The following TRPC5 variants were observed in gnomAD, a reference collection of about 807,000 sequenced individuals.
TRPC5 encodes transient receptor potential cation channel subfamily C member 5.
In TRPC5, 9 loss-of-function variants were observed where a neutral mutation model predicts 56.5. The observed-to-expected ratio is 0.16, with a 90% CI of 0.10 to 0.28. The LOEUF is 0.28. TRPC5 is among the 10% of genes least tolerant of loss of function. TRPC5 has a pLI of 1.00. For synonymous variants in TRPC5, 282 were observed against 278.5 expected, an observed-to-expected ratio of 1.01 and a Z score of -0.13; for missense variants, 469 against 748.9, an observed-to-expected ratio of 0.63 and a Z score of 4.36.
At chrX:111,875,525 G>A (rs192846671) in intron 3 of TRPC5, among the ~76,000 whole-genome samples, 43 of 107,439 alleles carry the variant, frequency 4.0e-4, no homozygotes, top group Middle Eastern at 4.8e-3. Context: ...TATGTGTAGG[G>A]CCCAGGAAGA....
Position 111,771,743 on chromosome X carries a change from TCTTCCA to T in TRPC5, c.*4564_*4569del, listed in dbSNP as rs1170574235. Among the ~76,000 whole-genome samples, 7 of 109,440 alleles carry T rather than the reference TCTTCCA, an allele frequency of 6.4e-5. No individual in the cohort carries two copies. Among genetic ancestry groups the T allele is most frequent in the African/African-American group, 2.4e-4 (7 of 29,442 alleles). On this transcript the variant is annotated 3_prime_UTR_variant, in exon 11 of 11. Coordinates refer to ENST00000262839, the MANE Select transcript of TRPC5 (RefSeq NM_012471.3). Reference sequence around the variant, plus strand: ...TTTGCCAAAAATGTGTATATTTAAGTCTTCCAGGTAAGTTATTCTGACCTAAATGCT... The same window carrying T: ...TTTGCCAAAAATGTGTATATTTAAGTGGTAAGTTATTCTGACCTAAATGCT...
chrX:112,001,697 G>T (rs1275384468), intron 1 of TRPC5, among the ~76,000 whole-genome samples: 2 of 111,703 alleles, frequency 1.8e-5, no homozygotes, highest in East Asian at 2.8e-4. Context: ...GGAGTCGGAG[G>T]TTGCAGTGAG....
At chrX:111,801,424 T>C (rs1205359864) in intron 7 of TRPC5, among the ~76,000 whole-genome samples, 2 of 111,978 alleles carry the variant, frequency 1.8e-5, no homozygotes, top group Non-Finnish European at 3.8e-5. Flanking sequence ...ATGAATGAAA[T>C]TGCTGGGTCA....
intron 1 of TRPC5, among the ~76,000 whole-genome samples, chrX:112,009,198 T>C (rs1928925801): frequency 8.9e-6 from 1 of 111,831 alleles, no homozygotes; most frequent in Non-Finnish European, 1.9e-5. Flanking sequence ...AGAACCTAGC[T>C]GCCATGTGTC....
chrX:111,854,271 C>T (rs185149441), intron 3 of TRPC5, among the ~76,000 whole-genome samples, 165 bp from the exon 4 acceptor site: 42 of 111,858 alleles, frequency 3.8e-4, no homozygotes, highest in African/African-American at 1.0e-3. Context: ...ACCCCGGAGA[C>T]GGCTCTTCAT....
chrX:112,068,399 G>A (rs1365016834), intron 1 of TRPC5, among the ~76,000 whole-genome samples: 2 of 112,554 alleles, frequency 1.8e-5, no homozygotes, highest in African/African-American at 6.5e-5. Context: ...TTGAACAAGG[G>A]CTGAAGCTTA....
At chrX:111,877,729 T>A (rs746437239) in intron 3 of TRPC5, among the ~76,000 whole-genome samples, 1 of 110,916 alleles carries the variant, frequency 9.0e-6, no homozygotes, top group South Asian at 3.9e-4. Context: ...CATAAATGAA[T>A]GAATAAAATA....
chrX:111,860,438 T>C (rs1019699448), intron 3 of TRPC5, among the ~76,000 whole-genome samples: 1 of 112,670 alleles, frequency 8.9e-6, no homozygotes, highest in Non-Finnish European at 1.9e-5. Context: ...TTTTGCTTTA[T>C]GTTTATAAAC....
intron 1 of TRPC5, among the ~76,000 whole-genome samples, chrX:111,972,223 C>A (rs759182699): frequency 8.9e-6 from 1 of 111,745 alleles, no homozygotes; most frequent in South Asian, 3.8e-4. Context: ...CCAAGTTGGA[C>A]CGTGCTTACA....
At chrX:111,778,899 T>G in intron 10 of TRPC5, 86 bp downstream of exon 10, 1 of 640,623 alleles carries the variant, frequency 1.6e-6, no homozygotes. Flanking sequence ...GCAGATGAAA[T>G]TCCATCACCA....
chrX:111,805,832 C>T (rs1921489920), intron 7 of TRPC5, among the ~76,000 whole-genome samples: 1 of 110,509 alleles, frequency 9.0e-6, no homozygotes, highest in Non-Finnish European at 1.9e-5. Flanking sequence ...ACCACCACAC[C>T]TGGCTCATTT....
intron 1 of TRPC5, among the ~76,000 whole-genome samples, chrX:112,005,925 G>A (rs757073833): frequency 9.0e-6 from 1 of 111,685 alleles, no homozygotes; most frequent in South Asian, 3.8e-4. Flanking sequence ...CCCCAAGGCC[G>A]ACCATGGGTT....
Position 111,904,967 on chromosome X carries a change from A to AT in TRPC5, c.900+7323dup, listed in dbSNP as rs1401089074. ...GCTATTGTTTCATTCTTTGGAGCTGATTTTTTTTTTTTTTAACCAAATTGA... is the reference window on the plus strand; with the variant it reads ...GCTATTGTTTCATTCTTTGGAGCTGATTTTTTTTTTTTTTTAACCAAATTGA... On this transcript the variant is annotated intron_variant, in intron 3 of 10. Coordinates refer to ENST00000262839, the MANE Select transcript of TRPC5 (RefSeq NM_012471.3). 2.3e-3 allele frequency among the ~76,000 whole-genome samples: 236 copies of AT among 101,145 alleles called. 1 individual carries two copies. Among genetic ancestry groups the AT allele is most frequent in the Middle Eastern group, 0.01 (2 of 195 alleles). 87.8% of individuals were successfully genotyped at this position (101,145 alleles called of 115,157 possible).
chrX:111,776,854 G>A lies in TRPC5; in HGVS notation c.2381C>T (p.Ser794Phe). 8.3e-7 allele frequency: 1 copy of A among 1,211,291 alleles called. No homozygotes were observed. The highest frequency in any genetic ancestry group is 1.1e-6 in the Non-Finnish European group (1 of 895,425). The change falls in exon 11 of 11, where the codon TCC becomes TTC. Residue 794 changes from serine (S) to phenylalanine (F), a missense_variant. By Grantham distance (155) the Ser-to-Phe change is radical (BLOSUM62 -2). Around this residue, in one of 3 missense-constraint regions of TRPC5, gnomAD observed 194 missense variants for 221.8 expected, o/e 0.87. Coordinates refer to ENST00000262839, the MANE Select transcript of TRPC5 (RefSeq NM_012471.3). ...NDGSGGARAK[S>F]KSVSFNLGCK... is the part of the protein sequence containing the mutation. ...GCCTAAATTAAAAGAGACACTCTTG[G>A]ATTTGGCCCGAGCCCCACCACTGCC...
chrX:111,912,338 G>C lies in TRPC5; in HGVS notation c.853C>G (p.His285Asp). 1 of 1,209,820 alleles carries C rather than the reference G, an allele frequency of 8.3e-7. No individual in the cohort carries two copies. The highest frequency in any genetic ancestry group is 1.1e-6 in the Non-Finnish European group (1 of 894,764). ...GCCACCTTCAACTTGGCCAGGTCATGGTACTTCTGAGGGTCAAGCTCTTCA... is the reference window on the plus strand; with the variant it reads ...GCCACCTTCAACTTGGCCAGGTCATCGTACTTCTGAGGGTCAAGCTCTTCA... ...HSEELDPQKYHDLAKLKVAIK... is the reference protein window; with the variant it reads ...HSEELDPQKYDDLAKLKVAIK... Residue 285 changes from histidine (H) to aspartate (D), a missense_variant, in exon 3 of 11, where the codon CAT becomes GAT. By Grantham distance (81) the His-to-Asp change is moderately conservative. This residue lies in a region of TRPC5 where 157 missense variants were observed against 360.0 expected (regional missense o/e 0.44). Coordinates refer to ENST00000262839, the MANE Select transcript of TRPC5 (RefSeq NM_012471.3).
chrX:112,033,426 A>C (rs1429679702), intron 1 of TRPC5, among the ~76,000 whole-genome samples: 1 of 106,542 alleles, frequency 9.4e-6, no homozygotes, highest in Non-Finnish European at 1.9e-5. Context: ...TTTATTCTGC[A>C]TACCAGATCC....
Position 112,001,585 on chromosome X carries a change from C to T in TRPC5, c.-21-49144G>A, listed in dbSNP as rs180769614. On this transcript the variant is annotated intron_variant, in intron 1 of 10. Coordinates refer to ENST00000262839, the MANE Select transcript of TRPC5 (RefSeq NM_012471.3). ...GACCAGCCTGGCCAACACGGCAAAA[C>T]CTCGTCTCTACTAACAATACTAAAA... Among the ~76,000 whole-genome samples the T allele has an allele frequency of 2.8e-3, 318 of 111,604 alleles. 4 individuals are homozygous for T. The highest frequency in any genetic ancestry group is 0.01 in the African/African-American group (312 of 30,709).
chrX:111,780,011 G>A (rs1945907768), intron 9 of TRPC5, among the ~76,000 whole-genome samples: 2 of 111,680 alleles, frequency 1.8e-5, no homozygotes, highest in South Asian at 7.8e-4. Flanking sequence ...AGGGAGAGGA[G>A]GTTTACATAC....
intron 3 of TRPC5, among the ~76,000 whole-genome samples, chrX:111,895,651 C>G (rs1332981152): frequency 9.1e-6 from 1 of 110,364 alleles, no homozygotes; most frequent in Non-Finnish European, 1.9e-5. Flanking sequence ...TGATTCATTT[C>G]AAATCATTAT....
Sources: gnomAD v4.1 joint callset for allele counts (sites outside exome capture counted in the v4.1 genomes callset) on GRCh38, gnomAD v4.1.1 for gene constraint, gnomAD v4.1.1 regional missense constraint, MANE v1.5 for transcripts, NCBI Gene and HGNC (gene_info 2026-07-23, HGNC 2026-07-21) for gene names.